Variants in ASCC3 observed in about 807,000 individuals in gnomAD.
ASCC3 encodes ASC-1 complex subunit P200.
In ASCC3, 158 loss-of-function variants were observed where a neutral mutation model predicts 256.3. The observed-to-expected ratio is 0.62, with a 90% confidence interval of 0.54 to 0.70. The LOEUF is 0.70. ASCC3 is among the 30% of genes least tolerant of loss of function. The pLI is 0.00. For missense variants in ASCC3, 2,259 were observed against 2,626.0 expected, an observed-to-expected ratio of 0.86 and a Z score of 3.05; for synonymous variants, 948 against 883.4, an observed-to-expected ratio of 1.07 and a Z score of -1.30.
At chr6:100,702,361 C>A (rs1359425058) in intron 13 of ASCC3, among the ~76,000 whole-genome samples, 2 of 152,128 alleles carry the variant, frequency 1.3e-5, no homozygotes, top group African/African-American at 4.8e-5. Flanking sequence ...AATCTATAGT[C>A]ATGCCATTCA....
chr6:100,600,314 C>T (rs986721077), intron 34 of ASCC3, among the ~76,000 whole-genome samples: 6 of 151,730 alleles, frequency 4.0e-5, no homozygotes, highest in African/African-American at 7.3e-5. Flanking sequence ...GGACCTAGAA[C>T]AAGTGATTTA....
intron 13 of ASCC3, among the ~76,000 whole-genome samples, chr6:100,699,281 C>T (rs1778234350): frequency 6.6e-6 from 1 of 152,058 alleles, no homozygotes; most frequent in South Asian, 2.1e-4. Context: ...CTGTGCTGTT[C>T]TTGTGATAGT....
intron 16 of ASCC3, among the ~76,000 whole-genome samples, chr6:100,660,822 TCTGCTG>T (rs994772077): frequency 4.0e-5 from 6 of 151,730 alleles, no homozygotes; most frequent in Non-Finnish European, 7.4e-5. Flanking sequence ...ATTTTCTCCT[TCTGCTG>T]AATCCTTCTA....
intron 11 of ASCC3, among the ~76,000 whole-genome samples, chr6:100,720,341 G>A (rs1320898712): frequency 6.6e-6 from 1 of 151,830 alleles, no homozygotes; most frequent in Non-Finnish European, 1.5e-5. Flanking sequence ...CAGAAAAGGT[G>A]TAATTCATTC....
At chr6:100,679,956 T>C (rs765272033) in intron 13 of ASCC3, among the ~76,000 whole-genome samples, 2 of 152,196 alleles carry the variant, frequency 1.3e-5, no homozygotes, top group Non-Finnish European at 2.9e-5. Context: ...TACAAGTTGA[T>C]AGAAGTTTGT....
intron 8 of ASCC3, among the ~76,000 whole-genome samples, chr6:100,770,993 G>A (rs935524991): frequency 6.6e-6 from 1 of 151,776 alleles, no homozygotes; most frequent in Admixed American, 6.6e-5. Flanking sequence ...CTTTGAAAAA[G>A]AATAACAATG....
At chr6:100,531,805 G>A (rs1276781815) in intron 37 of ASCC3, among the ~76,000 whole-genome samples, 5 of 151,932 alleles carry the variant, frequency 3.3e-5, no homozygotes, top group Admixed American at 1.3e-4. Context: ...GAAAATGCCC[G>A]CATAATGTAA....
chr6:100,782,817 T>C (rs2114264632), intron 8 of ASCC3, among the ~76,000 whole-genome samples: 1 of 152,192 alleles, frequency 6.6e-6, no homozygotes, highest in African/African-American at 2.4e-5. Context: ...TGCTATTTTA[T>C]TGTCCAAATT....
rs1202185334 is a variant in ASCC3 at position 100,631,150 on chromosome 6, T to C, written c.4186A>G (p.Ile1396Val). ...RERMDDWKVR[I>V]EEKLGKKVIE... The stretch of plus-strand genomic sequence containing the variant: ...TACTTTTTACCAAGTTTTTCTTCTA[T>C]TCTAACTTTCCAATCATCCATTCTT... Residue 1396 changes from isoleucine to valine, a missense_variant, in exon 26 of 42, where the codon ATA becomes GTA. Ile to Val is a conservative substitution (Grantham distance 29). This residue lies in a region of ASCC3 where 1,839 missense variants were observed against 2,206.7 expected (regional missense o/e 0.83). Coordinates refer to ENST00000369162, the MANE Select transcript of ASCC3 (RefSeq NM_006828.4). 3.8e-5 allele frequency: 61 copies of C among 1,611,934 alleles called. No individual in the cohort carries two copies. Among genetic ancestry groups the C allele is most frequent in the Non-Finnish European group, 4.8e-5 (57 of 1,178,642 alleles).
chr6:100,798,952 T>A, intron 7 of ASCC3, 114 bp from the exon 8 acceptor site: 1 of 954,726 alleles, frequency 1.0e-6, no homozygotes, highest in Non-Finnish European at 1.6e-6. Context: ...AAAGCACTGG[T>A]AAATAAACTT....
rs1769425599 is a variant in ASCC3, at chr6:100,553,812, C to T, written c.5551-13425G>A. Among the ~76,000 whole-genome samples the T allele has an allele frequency of 3.9e-5, 6 of 152,206 alleles. No individual in the cohort carries two copies. The South Asian group carries it at 1.2e-3, about 32-fold the overall frequency. On this transcript the variant is annotated intron_variant, in intron 36 of 41. Transcript: ENST00000369162. Reference sequence around the variant, plus strand: ...TCATTACAAATCTCAATCTGTTCTACAAATGCCATAAACTCAGCCACTCCA... The same window carrying T: ...TCATTACAAATCTCAATCTGTTCTATAAATGCCATAAACTCAGCCACTCCA...
At chr6:100,547,155 A>G (rs1769013852) in intron 36 of ASCC3, among the ~76,000 whole-genome samples, 1 of 152,104 alleles carries the variant, frequency 6.6e-6, no homozygotes, top group Non-Finnish European at 1.5e-5. Context: ...TGGTAGTAGA[A>G]TAACTGGGTA....
At chr6:100,535,616 C>T (rs1404864613) in intron 37 of ASCC3, among the ~76,000 whole-genome samples, 1 of 151,684 alleles carries the variant, frequency 6.6e-6, no homozygotes, top group Non-Finnish European at 1.5e-5. Flanking sequence ...TTACAGGCGC[C>T]CACTACCACC....
At chr6:100,619,222 T>G (rs187782041) in intron 30 of ASCC3, among the ~76,000 whole-genome samples, 2 of 152,324 alleles carry the variant, frequency 1.3e-5, no homozygotes, top group East Asian at 3.9e-4. Context: ...TTCTCTTCCC[T>G]ATAACTCTAG....
At chr6:100,753,342 G>T (rs1488379894) in intron 10 of ASCC3, among the ~76,000 whole-genome samples, 1 of 149,418 alleles carries the variant, frequency 6.7e-6, no homozygotes, top group African/African-American at 2.5e-5. Flanking sequence ...ACAATAGAAT[G>T]GCTATCAGCT....
At chr6:100,518,204 G>T in intron 37 of ASCC3, 62 bp from the exon 38 acceptor site, 2 of 1,567,566 alleles carry the variant, frequency 1.3e-6, no homozygotes, top group Non-Finnish European at 1.8e-6. Flanking sequence ...CCTCCACTGG[G>T]ATTCTGATGT....
chr6:100,686,806 T>C (rs894989254), intron 13 of ASCC3, among the ~76,000 whole-genome samples: 1 of 152,190 alleles, frequency 6.6e-6, no homozygotes, highest in Non-Finnish European at 1.5e-5. Context: ...TATTGAACTA[T>C]GTCCCTATTC....
intron 13 of ASCC3, among the ~76,000 whole-genome samples, chr6:100,682,644 C>T (rs1223550184): frequency 6.6e-6 from 1 of 152,198 alleles, no homozygotes. Flanking sequence ...GTGCTTAGTA[C>T]AGCACCAGGA....
Position 100,552,127 on chromosome 6 carries a change from A to T in ASCC3, c.5551-11740T>A, listed in dbSNP as rs141929790. ...CTTAAACATGGTAAGATGTGCTGTA[A>T]ATGTTAGAAATAATAATAATAAAAA... On this transcript the variant is annotated intron_variant, in intron 36 of 41. Coordinates refer to ENST00000369162, the MANE Select transcript of ASCC3 (RefSeq NM_006828.4). Among the ~76,000 whole-genome samples the T allele has an allele frequency of 1.1e-3, 162 of 151,710 alleles. 1 individual carries two copies. Among genetic ancestry groups the T allele is most frequent in the African/African-American group, 2.8e-3 (117 of 41,478 alleles).
Sources: gnomAD v4.1 joint callset for allele counts (sites outside exome capture counted in the v4.1 genomes callset) on GRCh38, gnomAD v4.1.1 for gene constraint, gnomAD v4.1.1 regional missense constraint, MANE v1.5 for transcripts, NCBI Gene and HGNC (gene_info 2026-07-23, HGNC 2026-07-21) for gene names.